SEMA4D: variants seen among roughly 807,000 people sequenced by gnomAD.
SEMA4D encodes the protein semaphorin-4D.
In SEMA4D, 22 loss-of-function variants were observed where a neutral mutation model predicts 74.8. The ratio of observed to expected loss-of-function variants is 0.29; its 90% CI spans 0.21 to 0.42. The LOEUF (loss-of-function observed/expected upper bound fraction) is 0.42, where lower values mean the gene tolerates loss of function less well. Ranked by LOEUF, SEMA4D falls within the 10% of genes least tolerant of loss-of-function variation. SEMA4D has a pLI of 1.00. For missense variants in SEMA4D, 937 were observed against 1,118.4 expected, an observed-to-expected ratio of 0.84 and a Z score of 2.31; for synonymous variants, 445 against 463.7, an observed-to-expected ratio of 0.96 and a Z score of 0.52.
At chr9:89,409,722 C>G (rs1024334400) in intron 2 of SEMA4D, among the ~76,000 whole-genome samples, 4 of 152,150 alleles carry the variant, frequency 2.6e-5, no homozygotes, top group African/African-American at 7.2e-5. Context: ...GCAAGACCCA[C>G]AAGGCCCAGT....
intron 1 of SEMA4D, among the ~76,000 whole-genome samples, chr9:89,464,383 G>A (rs1345580294): frequency 6.6e-6 from 1 of 152,196 alleles, no homozygotes; most frequent in Non-Finnish European, 1.5e-5. Flanking sequence ...TCAGGGGCAA[G>A]GCAGCCACAG....
At chr9:89,465,451 T>C (rs1324891187) in intron 1 of SEMA4D, among the ~76,000 whole-genome samples, 1 of 146,144 alleles carries the variant, frequency 6.8e-6, no homozygotes, top group Non-Finnish European at 1.6e-5. Context: ...CAAAAAGACA[T>C]GGAGTTGGCT....
chr9:89,472,442 T>C (rs1338003524), intron 1 of SEMA4D: 1 of 284,590 alleles, frequency 3.5e-6, no homozygotes, highest in Non-Finnish European at 6.9e-6. Flanking sequence ...AGCCTTAAAA[T>C]AGAATGTGGA....
chr9:89,488,523 C>A (rs1278909910), intron 1 of SEMA4D, among the ~76,000 whole-genome samples: 1 of 151,926 alleles, frequency 6.6e-6, no homozygotes, highest in Non-Finnish European at 1.5e-5. Flanking sequence ...CATACGTGCA[C>A]CATCACATCC....
At chr9:89,361,025 G>A (rs1226791392) in exon 19 of SEMA4D, 2 of 152,202 alleles carry the variant, frequency 1.3e-5, no homozygotes, top group African/African-American at 4.8e-5. Context: ...TGTAGTGGTT[G>A]AAGCCACACC....
At chr9:89,398,927 G>A (rs4242600) in intron 5 of SEMA4D, among the ~76,000 whole-genome samples, 149,690 of 152,382 alleles carry the variant, frequency 0.98, 73,633 homozygotes, top group Non-Finnish European at 1. Context: ...GGTGCAAGGA[G>A]GCAGAACAAA....
intron 16 of SEMA4D, chr9:89,364,067 A>T: frequency 1.3e-6 from 2 of 1,590,476 alleles, no homozygotes; most frequent in South Asian, 2.3e-5. Flanking sequence ...GTGACTTGGG[A>T]CAACTTCCAA....
intron 2 of SEMA4D, among the ~76,000 whole-genome samples, chr9:89,438,608 C>CA (rs1218800469): frequency 1.3e-5 from 2 of 152,012 alleles, no homozygotes; most frequent in African/African-American, 2.4e-5. Context: ...ATATTTGAGG[C>CA]AAAAAATCGA....
rs534113757 is a variant in SEMA4D at position 89,408,656 on chromosome 9, C to T, written c.-243-2957G>A. 5.1e-5 allele frequency among the ~76,000 whole-genome samples: 7 copies of T among 137,990 alleles called. No individual in the cohort carries two copies. In the South Asian group the frequency reaches 9.5e-4, roughly 19 times the overall value. 90.5% of individuals were successfully genotyped at this position (137,990 alleles called of 152,430 possible). A position where few individuals can be genotyped will look rare whatever the true frequency, so the allele number is the denominator to read the frequency against. ...TTGTGAGAGACTTCACACTGGCTCC[C>T]GCGCCACTAGAGGAGGAGGAGGAGG... On this transcript the variant is annotated intron_variant, in intron 2 of 15. Coordinates refer to ENST00000422704, the MANE Select transcript of SEMA4D (RefSeq NM_001371194.2).
exon 18 of SEMA4D, chr9:89,363,455 A>C: frequency 1.2e-6 from 2 of 1,613,736 alleles, no homozygotes; most frequent in Non-Finnish European, 1.7e-6. Flanking sequence ...GCTCTGCATC[A>C]TCCGGTCGTG....
chr9:89,363,274 C>CA (rs148589026), intron 18 of SEMA4D, among the ~76,000 whole-genome samples: 2 of 152,120 alleles, frequency 1.3e-5, no homozygotes, highest in South Asian at 2.1e-4. Flanking sequence ...ATTTCCCCCC[C>CA]CAGTGTTGCA....
At chr9:89,457,761 C>T (rs554258721) in intron 1 of SEMA4D, among the ~76,000 whole-genome samples, 14 of 151,936 alleles carry the variant, frequency 9.2e-5, no homozygotes, top group Admixed American at 7.9e-4. Context: ...AGGCCAGGCA[C>T]GGTGGCTCAT....
At chr9:89,401,897 A>C (rs757961008) in intron 4 of SEMA4D, among the ~76,000 whole-genome samples, 2 of 152,086 alleles carry the variant, frequency 1.3e-5, no homozygotes, top group Non-Finnish European at 2.9e-5. Context: ...GCAATCTTTG[A>C]TGAGAAGAGC....
chr9:89,453,202 G>C (rs924185953), intron 2 of SEMA4D, among the ~76,000 whole-genome samples: 2 of 152,208 alleles, frequency 1.3e-5, no homozygotes, highest in African/African-American at 4.8e-5. Context: ...CCCTAGGGAG[G>C]CTGGGCAGCA....
At chr9:89,497,118 C>T (rs1826081336) in intron 1 of SEMA4D, among the ~76,000 whole-genome samples, 1 of 152,220 alleles carries the variant, frequency 6.6e-6, no homozygotes, top group African/African-American at 2.4e-5. Context: ...CTCCCACCTA[C>T]CCCCCAAAAT....
chr9:89,369,267 AAG>A (rs1316515082), intron 16 of SEMA4D: 1 of 152,252 alleles, frequency 6.6e-6, no homozygotes, highest in Admixed American at 6.5e-5. Flanking sequence ...GGGCCCCTCA[AAG>A]AGGACCAAGG....
chr9:89,417,906 G>T, intron 2 of SEMA4D: 1 of 167,078 alleles, frequency 6.0e-6, no homozygotes, highest in Non-Finnish European at 1.2e-5. Flanking sequence ...CCGGGCCCAA[G>T]GGATGGCAGC....
intron 18 of SEMA4D, among the ~76,000 whole-genome samples, chr9:89,363,140 G>A (rs1832971651): frequency 6.6e-6 from 1 of 152,164 alleles, no homozygotes; most frequent in African/African-American, 2.4e-5. Flanking sequence ...GGTGGTCGTG[G>A]GGGCCCATCT....
chr9:89,392,830 A>G (rs1840153493), intron 7 of SEMA4D, among the ~76,000 whole-genome samples: 1 of 152,018 alleles, frequency 6.6e-6, no homozygotes, highest in Non-Finnish European at 1.5e-5. Flanking sequence ...CAGTTCAAGC[A>G]ATTCTCCTGC....
Sources: allele counts gnomAD v4.1 joint callset (sites outside exome capture counted in the v4.1 genomes callset), GRCh38; gene constraint gnomAD v4.1.1; transcripts MANE v1.5; gene names NCBI Gene and HGNC (gene_info 2026-07-23, HGNC 2026-07-21).